The following SNX29 variants were observed in gnomAD, a reference collection of about 807,000 sequenced individuals.
SNX29 encodes the protein sorting nexin-29.
SNX29 carries 78 observed loss-of-function variants against 102.1 expected under a neutral mutation model. The observed-to-expected ratio is 0.76, with a 90% CI of 0.64 to 0.92. The LOEUF is 0.92. SNX29 is among the 40% of genes least tolerant of loss of function. SNX29 has a pLI of 0.00. For synonymous variants in SNX29, 580 were observed against 414.5 expected (o/e 1.40, Z -4.85); for missense variants, 1,280 against 1,061.7 (o/e 1.21, Z -2.86).
At chr16:12,489,966 T>G (rs975887672) in intron 19 of SNX29, among the ~76,000 whole-genome samples, 1 of 152,112 alleles carries the variant, frequency 6.6e-6, no homozygotes, top group African/African-American at 2.4e-5. Context: ...CCACCATGCA[T>G]GGCTAATTTC....
intron 15 of SNX29, among the ~76,000 whole-genome samples, chr16:12,292,981 C>G (rs927939302): frequency 6.6e-6 from 1 of 152,158 alleles, no homozygotes; most frequent in Non-Finnish European, 1.5e-5. Flanking sequence ...GAGTAGTTCA[C>G]TCTTATTAAT....
intron 20 of SNX29, among the ~76,000 whole-genome samples, chr16:12,546,118 C>G (rs948337334): frequency 1.3e-5 from 2 of 152,206 alleles, no homozygotes; most frequent in Non-Finnish European, 2.9e-5. Flanking sequence ...ACAATGTATT[C>G]TCCCCATCCA....
intron 20 of SNX29, chr16:12,557,274 G>C (rs1028245638): frequency 6.6e-6 from 1 of 152,244 alleles, no homozygotes; most frequent in Non-Finnish European, 1.5e-5. Context: ...GGGGAGTGCA[G>C]GCAGAAGAGA....
intron 20 of SNX29, among the ~76,000 whole-genome samples, chr16:12,553,570 G>A (rs115884121): frequency 0.015 from 2,324 of 151,710 alleles, 56 homozygotes; most frequent in African/African-American, 0.053. Flanking sequence ...GGAGCTGTGG[G>A]CTCTGAGGAT....
chr16:12,302,720 A>G (rs2080217381), intron 15 of SNX29, among the ~76,000 whole-genome samples: 1 of 152,220 alleles, frequency 6.6e-6, no homozygotes, highest in South Asian at 2.1e-4. Flanking sequence ...TTCAGACCAT[A>G]GTTTCTCCTG....
chr16:12,434,985 G>A (rs1416704426), intron 18 of SNX29, among the ~76,000 whole-genome samples: 5 of 149,806 alleles, frequency 3.3e-5, no homozygotes, highest in Admixed American at 2.7e-4. Context: ...GGTGGGGGGG[G>A]TTTGGTCATC....
intron 20 of SNX29, among the ~76,000 whole-genome samples, chr16:12,550,422 C>G (rs757591034): frequency 2.0e-5 from 3 of 151,634 alleles, no homozygotes; most frequent in South Asian, 2.1e-4. Context: ...GTACTCCCAC[C>G]TACTTGGGAG....
chr16:12,148,598 C>A (rs1227308114), intron 13 of SNX29, among the ~76,000 whole-genome samples: 1 of 152,136 alleles, frequency 6.6e-6, no homozygotes, highest in African/African-American at 2.4e-5. Flanking sequence ...CATAGCATTT[C>A]TTGTTTTCTA....
intron 19 of SNX29, among the ~76,000 whole-genome samples, chr16:12,523,476 C>T (rs1019141477): frequency 1.3e-5 from 2 of 152,228 alleles, no homozygotes; most frequent in Non-Finnish European, 2.9e-5. Flanking sequence ...CCCCGATGCT[C>T]ACTGCCCAGG....
Position 12,133,281 on chromosome 16 carries a change from G to GTTTTTT in SNX29, c.1595+3545_1595+3550dup, listed in dbSNP as rs57733463. On this transcript the variant is annotated intron_variant, in intron 13 of 20. Coordinates refer to ENST00000566228, the MANE Select transcript of SNX29 (RefSeq NM_032167.5). ...CTCTGTTTCTGTTTCCTTAGTGTGG[G>GTTTTTT]TTTTTTTTTTTTTTTTTTTTTTTTT... is the stretch of plus-strand genomic sequence containing the variant. Among the ~76,000 whole-genome samples the GTTTTTT allele has an allele frequency of 1.9e-3, 126 of 66,898 alleles. 10 individuals are homozygous for GTTTTTT. Among genetic ancestry groups the GTTTTTT allele is most frequent in the East Asian group, 0.015 (29 of 1,978 alleles). 43.9% of individuals were successfully genotyped at this position (66,898 alleles called of 152,430 possible).
chr16:12,180,834 C>T lies in SNX29; in HGVS notation c.1596-18767C>T, dbSNP rs573899153. Among the ~76,000 whole-genome samples, 12 of 152,198 alleles carry T rather than the reference C, an allele frequency of 7.9e-5. No individual in the cohort carries two copies. The East Asian group carries it at 1.4e-3, about 17-fold the overall frequency. ...AGGAAGTGAAACTTTAGGAGAGAGG[C>T]GTGGTAGAGGGAGCAGAGCTCTCTC... On this transcript the variant is annotated intron_variant, in intron 13 of 20. Transcript: ENST00000566228.
chr16:12,567,616 C>G (rs116991679), intron 20 of SNX29, among the ~76,000 whole-genome samples: 2 of 152,164 alleles, frequency 1.3e-5, no homozygotes, highest in South Asian at 4.1e-4. Flanking sequence ...AAAAATTACA[C>G]TCAGGTATGG....
chr16:12,572,824 C>A lies in SNX29; in HGVS notation c.*4195C>A. ...ACATCAGACTGGTTAGGAGGCATCC[C>A]AGAAGGGGCAGCCTCATGCCCAGGT... is the stretch of plus-strand genomic sequence containing the variant. On this transcript the variant is annotated 3_prime_UTR_variant, in exon 21 of 21. Coordinates refer to ENST00000566228, the MANE Select transcript of SNX29 (RefSeq NM_032167.5). 9.4e-7 allele frequency: 1 copy of A among 1,063,962 alleles called. No homozygotes were observed. Among genetic ancestry groups the A allele is most frequent in the Non-Finnish European group, 1.1e-6 (1 of 878,380 alleles). 65.9% of individuals were successfully genotyped at this position (1,063,962 alleles called of 1,614,324 possible).
intron 20 of SNX29, among the ~76,000 whole-genome samples, chr16:12,541,091 C>T (rs1271130319): frequency 6.6e-6 from 1 of 152,198 alleles, no homozygotes; most frequent in African/African-American, 2.4e-5. Context: ...CTCATGCATC[C>T]ACTCCAGGTT....
At chr16:12,024,180 C>G (rs1256265002) in intron 3 of SNX29, among the ~76,000 whole-genome samples, 2 of 151,648 alleles carry the variant, frequency 1.3e-5, no homozygotes, top group Non-Finnish European at 2.9e-5. Context: ...CTCTTGTTGC[C>G]CAGGCAGGAA....
At chr16:12,269,763 G>T (rs79093870) in intron 14 of SNX29, among the ~76,000 whole-genome samples, 3,392 of 152,198 alleles carry the variant, frequency 0.022, 143 homozygotes, top group African/African-American at 0.078. Context: ...CATGAATAGA[G>T]AAGTATGTTT....
intron 10 of SNX29, among the ~76,000 whole-genome samples, chr16:12,071,325 C>G (rs1308627727): frequency 6.6e-6 from 1 of 152,078 alleles, no homozygotes; most frequent in Non-Finnish European, 1.5e-5. Context: ...AGTCTTTAAT[C>G]CATCTTGAAT....
At chr16:12,294,072 C>T (rs2079895660) in intron 15 of SNX29, among the ~76,000 whole-genome samples, 1 of 152,206 alleles carries the variant, frequency 6.6e-6, no homozygotes, top group African/African-American at 2.4e-5. Context: ...TGAATCCAAA[C>T]ACCAGGAGAT....
intron 20 of SNX29, among the ~76,000 whole-genome samples, chr16:12,532,424 G>A (rs963584158): frequency 1.3e-4 from 20 of 152,104 alleles, no homozygotes; most frequent in African/African-American, 2.9e-4. Flanking sequence ...CTAGGCTGTC[G>A]TGTTTTGTAA....
Sources: allele counts gnomAD v4.1 joint callset (sites outside exome capture counted in the v4.1 genomes callset), GRCh38; gene constraint gnomAD v4.1.1; transcripts MANE v1.5; gene names NCBI Gene and HGNC (gene_info 2026-07-23, HGNC 2026-07-21).